The following MAPRE2 variants were observed in gnomAD, a reference collection of about 807,000 sequenced individuals.
MAPRE2 encodes the protein microtubule associated protein RP/EB family member 2, also known as microtubule-associated protein RP/EB family member 2.
Under a neutral mutation model 43.2 loss-of-function variants are expected in MAPRE2, and 13 were observed. That is an observed-to-expected ratio of 0.30 (90% CI 0.20 to 0.48). The LOEUF (loss-of-function observed/expected upper bound fraction) is 0.48. MAPRE2 is among the 20% of genes least tolerant of loss of function. The pLI is 0.99. For synonymous variants in MAPRE2, 135 were observed against 148.8 expected (o/e 0.91, Z 0.68); for missense variants, 161 against 400.2 (o/e 0.40, Z 5.10).
chr18:35,061,040 TA>T (rs1417706960), intron 1 of MAPRE2, among the ~76,000 whole-genome samples: 1 of 152,234 alleles, frequency 6.6e-6, no homozygotes, highest in East Asian at 1.9e-4. Flanking sequence ...AAAAGAGTAT[TA>T]TTTTTATGTT....
rs1910705094 is a variant in MAPRE2, at chr18:35,142,590, AG to A, written c.*2222del. The A allele has an allele frequency of 6.6e-6, 1 of 152,266 alleles. No individual in the cohort carries two copies. Among genetic ancestry groups the A allele is most frequent in the Non-Finnish European group, 1.5e-5 (1 of 68,086 alleles). The allele number at this position is 152,266 out of a possible 1,614,324, so 9.4% of individuals were successfully genotyped here. The stretch of plus-strand genomic sequence containing the variant: ...AAAGAGAACTTTCCCCAGTCACCAT[AG>A]ACCATTCTCCTTCCTGAAGGCTTGG... On this transcript the variant is annotated 3_prime_UTR_variant, in exon 7 of 7. Coordinates refer to ENST00000300249, the MANE Select transcript of MAPRE2 (RefSeq NM_014268.4).
intron 2 of MAPRE2, among the ~76,000 whole-genome samples, chr18:35,017,808 C>A (rs138321904): frequency 6.6e-6 from 1 of 151,126 alleles, no homozygotes; most frequent in Non-Finnish European, 1.5e-5. Context: ...ATTTGGATGC[C>A]TTTTATTTCT....
chr18:35,063,177 C>A (rs1467463613), intron 1 of MAPRE2, among the ~76,000 whole-genome samples: 2 of 151,978 alleles, frequency 1.3e-5, no homozygotes, highest in South Asian at 4.1e-4. Context: ...GATCTCGGCT[C>A]ACTGCAAGCT....
Position 35,108,023 on chromosome 18 carries a change from A to G in MAPRE2, c.610+5864A>G, listed in dbSNP as rs1255257845. 5.3e-5 allele frequency among the ~76,000 whole-genome samples: 8 copies of G among 151,440 alleles called. 1 individual carries two copies. The South Asian group carries it at 1.5e-3, about 28-fold the overall frequency. ...TTTTTGTCTTCTTCTAAAAAAAAAA[A>G]GGGATACATGTGCAGAACGTACAGG... On this transcript the variant is annotated intron_variant, in intron 4 of 6. Coordinates refer to ENST00000300249, the MANE Select transcript of MAPRE2 (RefSeq NM_014268.4).
chr18:35,089,030 T>G (rs532806705), intron 2 of MAPRE2, among the ~76,000 whole-genome samples: 1 of 152,202 alleles, frequency 6.6e-6, no homozygotes, highest in Non-Finnish European at 1.5e-5. Flanking sequence ...GGTTTTATTT[T>G]GTCAAAGTTG....
chr18:35,075,945 A>G (rs1433564595), intron 2 of MAPRE2, among the ~76,000 whole-genome samples: 1 of 152,126 alleles, frequency 6.6e-6, no homozygotes, highest in Non-Finnish European at 1.5e-5. Context: ...ACATCTTGAC[A>G]CTTTGCTCCC....
At chr18:35,011,219 C>G (rs1316158761) in intron 2 of MAPRE2, among the ~76,000 whole-genome samples, 1 of 152,138 alleles carries the variant, frequency 6.6e-6, no homozygotes. Context: ...TAAGCCAGAA[C>G]TGGTGTGCAG....
chr18:34,990,718 A>G (rs2097023330), intron 1 of MAPRE2, among the ~76,000 whole-genome samples: 1 of 152,132 alleles, frequency 6.6e-6, no homozygotes, highest in Non-Finnish European at 1.5e-5. Context: ...TGATGTTTCT[A>G]AGTTATATTA....
chr18:35,131,978 T>C (rs899205349), intron 5 of MAPRE2, 54 bp from the exon 6 acceptor site: 1 of 1,559,088 alleles, frequency 6.4e-7, no homozygotes, highest in Non-Finnish European at 8.8e-7. Context: ...TTGCTGGTCA[T>C]GTCTTATACT....
intron 2 of MAPRE2, among the ~76,000 whole-genome samples, chr18:35,017,551 C>CTTTTGTT (rs985297803): frequency 8.0e-6 from 1 of 124,998 alleles, no homozygotes. Context: ...TAGGTTTTTT[C>CTTTTGTT]TTTTGTTTTT....
At chr18:35,025,643 A>T (rs1223477372) in intron 2 of MAPRE2, among the ~76,000 whole-genome samples, 2 of 152,182 alleles carry the variant, frequency 1.3e-5, no homozygotes, top group Non-Finnish European at 2.9e-5. Flanking sequence ...ATCAGAATTC[A>T]TTTCACTAAA....
chr18:35,069,124 T>G (rs1268771936), intron 1 of MAPRE2, among the ~76,000 whole-genome samples: 3 of 152,120 alleles, frequency 2.0e-5, no homozygotes, highest in African/African-American at 7.2e-5. Context: ...TGTGATACAA[T>G]GAGAAAAATC....
At chr18:35,100,278 T>C (rs1286784746) in intron 3 of MAPRE2, among the ~76,000 whole-genome samples, 1 of 152,140 alleles carries the variant, frequency 6.6e-6, no homozygotes, top group East Asian at 1.9e-4. Context: ...AACAGCAAAT[T>C]ACACCAGTGA....
rs530452328 is a variant in MAPRE2 at position 35,076,891 on chromosome 18, T to C, written c.250+6569T>C. On this transcript the variant is annotated intron_variant, in intron 2 of 6. Transcript: ENST00000300249. ...GCTTGGGTCTCTAACTGGGTAGATG[T>C]CATGTGACTGCATTAGTATTTATCA... Among the ~76,000 whole-genome samples the C allele has an allele frequency of 3.3e-5, 5 of 152,290 alleles. No homozygotes were observed. The South Asian group carries it at 8.3e-4, about 25-fold the overall frequency.
At chr18:35,054,470 C>T (rs1906113387) in intron 1 of MAPRE2, among the ~76,000 whole-genome samples, 1 of 152,140 alleles carries the variant, frequency 6.6e-6, no homozygotes, top group East Asian at 1.9e-4. Flanking sequence ...AGGTTCAGGC[C>T]GAATTTCAGG....
At chr18:34,998,563 G>A (rs1321695845) in intron 1 of MAPRE2, among the ~76,000 whole-genome samples, 6 of 151,514 alleles carry the variant, frequency 4.0e-5, no homozygotes, top group East Asian at 1.9e-4. Flanking sequence ...TCCTGACCTC[G>A]TGATCTGCCC....
chr18:35,037,164 C>CTTTT (rs35771500), upstream of MAPRE2, among the ~76,000 whole-genome samples: 1 of 146,790 alleles, frequency 6.8e-6, no homozygotes, highest in African/African-American at 2.5e-5. Flanking sequence ...AAGCCTGAGG[C>CTTTT]TTTTTTTTTT....
At chr18:35,048,515 TA>T (rs1905754263) in intron 1 of MAPRE2, among the ~76,000 whole-genome samples, 1 of 150,666 alleles carries the variant, frequency 6.6e-6, no homozygotes, top group African/African-American at 2.4e-5. Flanking sequence ...ATGTGTTACA[TA>T]TAGTATTAAC....
intron 2 of MAPRE2, among the ~76,000 whole-genome samples, chr18:35,032,476 CT>C (rs1184512493): frequency 6.6e-6 from 1 of 152,186 alleles, no homozygotes; most frequent in African/African-American, 2.4e-5. Flanking sequence ...GCAAAAATCC[CT>C]GTTCTAGATG....
Sources: gnomAD v4.1 joint callset for allele counts (sites outside exome capture counted in the v4.1 genomes callset) on GRCh38, gnomAD v4.1.1 for gene constraint, MANE v1.5 for transcripts, NCBI Gene and HGNC (gene_info 2026-07-23, HGNC 2026-07-21) for gene names.